TLN2: variants seen among roughly 807,000 people sequenced by gnomAD.
TLN2 encodes talin 2, also known as talin-2.
Under a neutral mutation model 294.7 loss-of-function variants are expected in TLN2, and 118 were observed. That is an observed-to-expected ratio of 0.40 (90% CI 0.34 to 0.47). TLN2 has a LOEUF of 0.47. Among genes scored for constraint, TLN2 ranks in the 20% least tolerant of loss-of-function variants. TLN2 has a pLI of 0.84. For missense variants in TLN2, 3,083 were observed against 3,282.2 expected, an observed-to-expected ratio of 0.94 and a Z score of 1.48; for synonymous variants, 1,431 against 1,304.5, an observed-to-expected ratio of 1.10 and a Z score of -2.09.
chr15:62,406,835 G>A (rs1166916716), intron 1 of TLN2, among the ~76,000 whole-genome samples: 1 of 152,026 alleles, frequency 6.6e-6, no homozygotes, highest in Non-Finnish European at 1.5e-5. Context: ...TTTTTATGAG[G>A]ACAACAATCA....
At chr15:62,469,914 G>A (rs1199021543) in intron 1 of TLN2, among the ~76,000 whole-genome samples, 3 of 152,080 alleles carry the variant, frequency 2.0e-5, no homozygotes, top group African/African-American at 2.4e-5. Flanking sequence ...AATGGGCATG[G>A]CTCTTGCGTG....
chr15:62,551,095 C>A (rs544191775), intron 1 of TLN2, among the ~76,000 whole-genome samples: 1 of 152,252 alleles, frequency 6.6e-6, no homozygotes, highest in African/African-American at 2.4e-5. Flanking sequence ...CTAGGTCCCT[C>A]GCATGGGTGG....
rs1436236479 is a variant in TLN2, at chr15:62,522,964, ACACACACACACACACT to A, written c.-237-66721_-237-66706del. Among the ~76,000 whole-genome samples the A allele has an allele frequency of 8.8e-3, 1,245 of 141,348 alleles. 31 individuals are homozygous for A. The highest frequency in any genetic ancestry group is 0.068 in the East Asian group (325 of 4,780). 92.7% of individuals were successfully genotyped at this position (141,348 alleles called of 152,430 possible). A position where few individuals can be genotyped will look rare whatever the true frequency, so the allele number is the denominator to read the frequency against. On this transcript the variant is annotated intron_variant, in intron 1 of 58. Transcript: ENST00000636159. ...CTTACACACACACACACACACACAC[ACACACACACACACACT>A]CTCTCACTCACACTCATTCACTTCC...
At chr15:62,576,658 A>G (rs2044433546) in intron 1 of TLN2, among the ~76,000 whole-genome samples, 1 of 114,402 alleles carries the variant, frequency 8.7e-6, no homozygotes, top group African/African-American at 3.4e-5. Flanking sequence ...TAATGGAATG[A>G]TTCCCCCCCC....
intron 42 of TLN2, among the ~76,000 whole-genome samples, chr15:62,773,261 T>A (rs2063469860): frequency 7.1e-6 from 1 of 141,708 alleles, no homozygotes; most frequent in African/African-American, 2.7e-5. Context: ...TGGACTTAGT[T>A]TCCTGTGTTC....
chr15:62,644,212 T>A (rs2140924698), intron 3 of TLN2, among the ~76,000 whole-genome samples: 1 of 121,292 alleles, frequency 8.2e-6, no homozygotes, highest in African/African-American at 3.1e-5. Context: ...TCAGTTGCAA[T>A]GTCTCAGTTG....
chr15:62,583,675 A>C (rs892349750), intron 1 of TLN2, among the ~76,000 whole-genome samples: 1 of 152,214 alleles, frequency 6.6e-6, no homozygotes, highest in Non-Finnish European at 1.5e-5. Flanking sequence ...ATGAGGTAGT[A>C]GTAGTATGTT....
intron 1 of TLN2, among the ~76,000 whole-genome samples, chr15:62,507,627 G>A (rs1285192738): frequency 6.6e-6 from 1 of 152,224 alleles, no homozygotes; most frequent in Non-Finnish European, 1.5e-5. Flanking sequence ...AAATGCCCAT[G>A]AGCTTGAGTT....
At position 62,800,802 on chromosome 15, in the gene TLN2, C is replaced by G. The variant is rs751579394; in HGVS notation, c.6477+33C>G. The G allele has an allele frequency of 2.9e-5, 46 of 1,564,552 alleles. No individual in the cohort carries two copies. The South Asian group carries it at 3.2e-4, about 11-fold the overall frequency. On this transcript the variant is annotated intron_variant, in intron 50 of 58. Transcript: ENST00000636159. ...GCCAGCAGTTACCTCCCTTGGGTAC[C>G]AGAGTCCCACAGCTGACCCCAGTGA...
chr15:62,736,276 C>A (rs569060435), intron 28 of TLN2, among the ~76,000 whole-genome samples: 1 of 150,088 alleles, frequency 6.7e-6, no homozygotes, highest in Non-Finnish European at 1.5e-5. Context: ...GCCAAGATCG[C>A]GCCACTGCAC....
rs116650742 is a variant in TLN2 at position 62,561,683 on chromosome 15, G to C, written c.-237-28004G>C. Among the ~76,000 whole-genome samples, 141 of 152,048 alleles carry C rather than the reference G, an allele frequency of 9.3e-4. 1 individual carries two copies. Among genetic ancestry groups the C allele is most frequent in the African/African-American group, 3.2e-3 (134 of 41,486 alleles). On this transcript the variant is annotated intron_variant, in intron 1 of 58. Transcript: ENST00000636159. ...TCTCTCTCTTTTTTTTTCCGCAAAA[G>C]GTGTATCATCCCTTGCCACTGTGCC...
At chr15:62,470,288 C>T (rs1360452253) in intron 1 of TLN2, among the ~76,000 whole-genome samples, 1 of 152,166 alleles carries the variant, frequency 6.6e-6, no homozygotes, top group Non-Finnish European at 1.5e-5. Context: ...GATGTTTAAC[C>T]CAGACAGTCA....
intron 2 of TLN2, among the ~76,000 whole-genome samples, chr15:62,590,379 CA>C (rs2045987141): frequency 6.6e-6 from 1 of 152,168 alleles, no homozygotes; most frequent in Non-Finnish European, 1.5e-5. Flanking sequence ...CGTGTGTTCT[CA>C]TCATTTAGCT....
At chr15:62,469,460 C>T (rs894253464) in intron 1 of TLN2, among the ~76,000 whole-genome samples, 2 of 152,202 alleles carry the variant, frequency 1.3e-5, no homozygotes, top group Non-Finnish European at 2.9e-5. Context: ...AAAGTGTGCC[C>T]GTGCATTTTG....
rs762484226 is a variant in TLN2 at position 62,819,608 on chromosome 15, G to A, written c.6864G>A (p.Ala2288=). 34 of 1,610,858 alleles carry A rather than the reference G, an allele frequency of 2.1e-5. No homozygotes were observed. The highest frequency in any genetic ancestry group is 1.6e-4 in the Middle Eastern group (1 of 6,062). ...AGAVTELIQA[A]EAMKGTEWVD... ...CTGTGACAGAGCTCATCCAGGCGGC[G>A]GAAGCCATGAAAGGTAGGCTGGATT... Residue 2288 remains alanine (A), a synonymous_variant, in exon 53 of 59, where the codon GCG becomes GCA. Transcript: ENST00000636159.
intron 14 of TLN2, among the ~76,000 whole-genome samples, chr15:62,696,757 GA>G (rs373050695): frequency 0.012 from 1,792 of 152,246 alleles, 12 homozygotes; most frequent in Non-Finnish European, 0.019. Context: ...GATACCTTAA[GA>G]ATCTTCCCAA....
In TLN2 at chr15:62,554,351, C is replaced by A. The variant is rs535957967; in HGVS notation, c.-237-35336C>A. ...CTTGATCTAGTATGAGGAAGTGAGACCTTGTACCAGCTGTTGATACCAGAT... is the reference window on the plus strand; with the variant it reads ...CTTGATCTAGTATGAGGAAGTGAGAACTTGTACCAGCTGTTGATACCAGAT... On this transcript the variant is annotated intron_variant, in intron 1 of 58. Transcript: ENST00000636159. Among the ~76,000 whole-genome samples, 19 of 148,476 alleles carry A rather than the reference C, an allele frequency of 1.3e-4. No homozygotes were observed. The South Asian group carries it at 4.0e-3, about 31-fold the overall frequency.
chr15:62,447,484 G>GTTAAGTGCTCC (rs1262524757), intron 1 of TLN2, among the ~76,000 whole-genome samples: 3 of 149,996 alleles, frequency 2.0e-5, no homozygotes, highest in Admixed American at 6.7e-5. Flanking sequence ...CTTGGACAGA[G>GTTAAGTGCTCC]TTAACTTTAC....
intron 26 of TLN2, among the ~76,000 whole-genome samples, chr15:62,724,171 C>A (rs1298521831): frequency 6.6e-6 from 1 of 152,056 alleles, no homozygotes; most frequent in Non-Finnish European, 1.5e-5. Flanking sequence ...AAAAAGAGTG[C>A]AGGCTCTGGA....
Sources: gnomAD v4.1 joint callset for allele counts (sites outside exome capture counted in the v4.1 genomes callset) on GRCh38, gnomAD v4.1.1 for gene constraint, MANE v1.5 for transcripts, NCBI Gene and HGNC (gene_info 2026-07-23, HGNC 2026-07-21) for gene names.